Variants in LRCH1 observed in about 807,000 individuals in gnomAD.
LRCH1 encodes leucine rich repeats and calponin homology domain containing 1.
LRCH1 carries 23 observed loss-of-function variants against 94.9 expected under a neutral mutation model. That is an observed-to-expected ratio of 0.24 (90% confidence interval 0.17 to 0.34). The LOEUF (loss-of-function observed/expected upper bound fraction) is 0.34, where lower values mean the gene tolerates loss of function less well. LRCH1 is among the 10% of genes least tolerant of loss of function. The pLI is 1.00. For missense variants in LRCH1, 790 were observed against 945.9 expected (o/e 0.84, Z 2.16); for synonymous variants, 364 against 354.9 (o/e 1.03, Z -0.29).
chr13:46,722,926 G>C (rs1373079297), intron 16 of LRCH1, among the ~76,000 whole-genome samples: 1 of 152,220 alleles, frequency 6.6e-6, no homozygotes, highest in Non-Finnish European at 1.5e-5. Flanking sequence ...AGTGAAGTAG[G>C]ACATCTGTCA....
At chr13:46,609,772 A>G (rs760899302) in intron 1 of LRCH1, among the ~76,000 whole-genome samples, 2 of 152,164 alleles carry the variant, frequency 1.3e-5, no homozygotes, top group African/African-American at 4.8e-5. Flanking sequence ...TTATAGCTGT[A>G]AAGTAAAGCA....
In LRCH1 at chr13:46,712,545, A is replaced by G. The variant is rs768596490; in HGVS notation, c.1602A>G (p.Ala534=). ...SPNEIRENSP[A]VSPTTNSTAP... Reference sequence around the variant, plus strand: ...CACAGATTAGAGAGAACTCCCCTGCAGTCTCTCCTACCACAAACAGCACAG... The same window carrying G: ...CACAGATTAGAGAGAACTCCCCTGCGGTCTCTCCTACCACAAACAGCACAG... Residue 534 remains alanine (A), a synonymous_variant, in exon 15 of 20, where the codon GCA becomes GCG. Coordinates refer to ENST00000389797, the MANE Select transcript of LRCH1 (RefSeq NM_001164211.2). 16 of 1,613,518 alleles carry G rather than the reference A, an allele frequency of 9.9e-6. No homozygotes were observed. Among genetic ancestry groups the G allele is most frequent in the East Asian group, 4.5e-5 (2 of 44,890 alleles).
intron 1 of LRCH1, among the ~76,000 whole-genome samples, chr13:46,594,038 G>A (rs1229433462): frequency 6.6e-6 from 1 of 152,012 alleles, no homozygotes; most frequent in African/African-American, 2.4e-5. Context: ...TTGCATCATA[G>A]GATAGATACC....
chr13:46,565,462 C>T (rs1340680683), intron 1 of LRCH1, among the ~76,000 whole-genome samples: 1 of 152,114 alleles, frequency 6.6e-6, no homozygotes. Flanking sequence ...ACCACATCTT[C>T]TGGGTTTTCA....
chr13:46,673,630 G>A (rs1456755302), intron 3 of LRCH1, among the ~76,000 whole-genome samples: 2 of 152,116 alleles, frequency 1.3e-5, no homozygotes, highest in East Asian at 3.9e-4. Context: ...AATACTTGAA[G>A]CCCTTTAGCG....
rs2298086 is a variant in LRCH1, at chr13:46,733,974, A to G, written c.2061A>G (p.Ala687=). The G allele has an allele frequency of 0.98, 1,574,086 of 1,601,134 alleles. 774,997 individuals carry two copies. The highest frequency in any genetic ancestry group is 1 in the Non-Finnish European group (1,171,422 of 1,173,576). The change falls in exon 19 of 20, where the codon GCA becomes GCG. Residue 687 remains alanine, a synonymous_variant. Coordinates refer to ENST00000389797, the MANE Select transcript of LRCH1 (RefSeq NM_001164211.2). ...GAAATGTGGAAAACTTTTTGGAAGC[A>G]TGCCGAAAATTAGGAGTACCAGAGG... is the stretch of plus-strand genomic sequence containing the variant. ...CRRNVENFLE[A]CRKLGVPEAD...
Position 46,743,530 on chromosome 13 carries a change from C to T in LRCH1, c.*1682C>T. The T allele has an allele frequency of 1.0e-6, 1 of 985,702 alleles. No homozygotes were observed. The allele number at this position is 985,702 out of a possible 1,614,324, so 61.1% of individuals were successfully genotyped here. ...CTTCAATCTGTAACACAATAAAATC[C>T]CTTTGTACGATGTCTAATGAGCACC... On this transcript the variant is annotated 3_prime_UTR_variant, in exon 20 of 20. Coordinates refer to ENST00000389797, the MANE Select transcript of LRCH1 (RefSeq NM_001164211.2).
intron 1 of LRCH1, among the ~76,000 whole-genome samples, chr13:46,598,743 A>G (rs1460093802): frequency 6.6e-6 from 1 of 152,186 alleles, no homozygotes; most frequent in African/African-American, 2.4e-5. Flanking sequence ...CAAAGCCTGG[A>G]TTCAACTTAC....
intron 1 of LRCH1, among the ~76,000 whole-genome samples, chr13:46,635,922 C>G (rs2051081987): frequency 6.6e-6 from 1 of 152,126 alleles, no homozygotes; most frequent in South Asian, 2.1e-4. Context: ...TTCCATTTAT[C>G]TGCTCTGTTT....
intron 6 of LRCH1, among the ~76,000 whole-genome samples, chr13:46,688,449 C>T (rs1870732644): frequency 6.6e-6 from 1 of 152,116 alleles, no homozygotes; most frequent in South Asian, 2.1e-4. Context: ...AGTTTTGTCG[C>T]CACTTCCTGT....
chr13:46,683,007 T>C (rs764960955), intron 4 of LRCH1, among the ~76,000 whole-genome samples: 43 of 152,350 alleles, frequency 2.8e-4, no homozygotes, highest in Admixed American at 1.2e-3. Context: ...CTCCAAAGCA[T>C]ACTCTGGTTT....
At chr13:46,748,823 C>A (rs879747172), downstream of LRCH1, among the ~76,000 whole-genome samples, 5 of 152,172 alleles carry the variant, frequency 3.3e-5, no homozygotes, top group Non-Finnish European at 5.9e-5. Context: ...CTTCTGTTGA[C>A]AGGGGGCCAT....
chr13:46,707,349 G>C (rs1272941681), intron 13 of LRCH1, among the ~76,000 whole-genome samples: 2 of 152,160 alleles, frequency 1.3e-5, no homozygotes, highest in African/African-American at 4.8e-5. Context: ...ATACTGCACA[G>C]GTGATGTTGT....
rs370227370 is a variant in LRCH1 at position 46,637,017 on chromosome 13, C to T, written c.308-13184C>T. On this transcript the variant is annotated intron_variant, in intron 1 of 19. Transcript: ENST00000389797. ...CCTTACCTGCATATCTAATAGGTGTCTCAACATTTGCATCTCCAGAATGAC... is the reference window on the plus strand; with the variant it reads ...CCTTACCTGCATATCTAATAGGTGTTTCAACATTTGCATCTCCAGAATGAC... Among the ~76,000 whole-genome samples, 30 of 152,310 alleles carry T rather than the reference C, an allele frequency of 2.0e-4. No homozygotes were observed. The East Asian group carries it at 3.1e-3, about 16-fold the overall frequency.
intron 1 of LRCH1, among the ~76,000 whole-genome samples, chr13:46,631,560 A>C (rs2051017756): frequency 6.6e-6 from 1 of 152,096 alleles, no homozygotes; most frequent in Non-Finnish European, 1.5e-5. Flanking sequence ...CTTGAGTTTG[A>C]GTCTCAGCTT....
chr13:46,680,510 T>C (rs1287607117), intron 3 of LRCH1, among the ~76,000 whole-genome samples: 1 of 152,128 alleles, frequency 6.6e-6, no homozygotes, highest in Non-Finnish European at 1.5e-5. Context: ...TCGTGAAAGA[T>C]TTCACGAAAG....
intron 16 of LRCH1, among the ~76,000 whole-genome samples, chr13:46,717,231 G>A (rs887220017): frequency 3.3e-5 from 5 of 152,094 alleles, no homozygotes; most frequent in South Asian, 2.1e-4. Flanking sequence ...CATCTCTGCC[G>A]CATCTACATT....
At chr13:46,705,035 CG>C in intron 11 of LRCH1, 32 bp from the exon 12 acceptor site, 1 of 1,149,996 alleles carries the variant, frequency 8.7e-7, no homozygotes, top group East Asian at 2.4e-5. Flanking sequence ...AAGTTTAATA[CG>C]TTTACTAATA....
chr13:46,593,283 C>CTT (rs34821427), intron 1 of LRCH1, among the ~76,000 whole-genome samples: 15 of 92,200 alleles, frequency 1.6e-4, no homozygotes, highest in Non-Finnish European at 1.7e-4. Flanking sequence ...TCTTTCTTTC[C>CTT]TTTTTTTTTT....
Sources: gnomAD v4.1 joint callset for allele counts (sites outside exome capture counted in the v4.1 genomes callset) on GRCh38, gnomAD v4.1.1 for gene constraint, MANE v1.5 for transcripts, NCBI Gene and HGNC (gene_info 2026-07-23, HGNC 2026-07-21) for gene names.